The following GPD2 variants were observed in gnomAD, a reference collection of about 807,000 sequenced individuals.
The protein encoded by GPD2 is glycerol-3-phosphate dehydrogenase 2.
GPD2 carries 54 observed loss-of-function variants against 82.4 expected under a neutral mutation model. The ratio of observed to expected loss-of-function variants is 0.66; its 90% CI spans 0.53 to 0.82. GPD2 has a LOEUF of 0.82. GPD2 is among the 40% of genes least tolerant of loss of function. The pLI, the probability that GPD2 is intolerant of heterozygous loss-of-function variation, is 0.00. For missense variants in GPD2, 748 were observed against 896.2 expected (o/e 0.83, Z 2.11); for synonymous variants, 288 against 306.1 (o/e 0.94, Z 0.62).
At chr2:156,552,385 G>C (rs185752968) in intron 8 of GPD2, among the ~76,000 whole-genome samples, 1 of 152,136 alleles carries the variant, frequency 6.6e-6, no homozygotes, top group Non-Finnish European at 1.5e-5. Context: ...TATGTTTCTC[G>C]TATATAGAGA....
At chr2:156,530,230 GCT>G (rs1457467719) in intron 6 of GPD2, among the ~76,000 whole-genome samples, 109 of 108,318 alleles carry the variant, frequency 1.0e-3, no homozygotes, top group African/African-American at 3.6e-3. Flanking sequence ...TCATGATTTG[GCT>G]CTCTGTTTGT....
chr2:156,459,547 G>T (rs2105172010), intron 1 of GPD2, among the ~76,000 whole-genome samples: 1 of 151,880 alleles, frequency 6.6e-6, no homozygotes. Context: ...AATTAGCTGG[G>T]CATGGTGGCG....
At chr2:156,546,621 C>T (rs1202196067) in intron 6 of GPD2, among the ~76,000 whole-genome samples, 1 of 151,984 alleles carries the variant, frequency 6.6e-6, no homozygotes, top group African/African-American at 2.4e-5. Flanking sequence ...GCCCAGGGCT[C>T]GGGGATACCA....
intron 1 of GPD2, among the ~76,000 whole-genome samples, chr2:156,451,002 T>C (rs1218778129): frequency 4.4e-5 from 6 of 136,794 alleles, no homozygotes; most frequent in African/African-American, 1.6e-4. Flanking sequence ...ATCAACAGGA[T>C]CCCAAGGCAG....
chr2:156,530,619 T>C (rs1206601035), intron 6 of GPD2, among the ~76,000 whole-genome samples: 1 of 151,904 alleles, frequency 6.6e-6, no homozygotes, highest in Non-Finnish European at 1.5e-5. Flanking sequence ...ATACCTAATT[T>C]ATTGAGAGTT....
intron 1 of GPD2, among the ~76,000 whole-genome samples, chr2:156,447,491 T>C (rs1682409953): frequency 6.6e-6 from 1 of 152,018 alleles, no homozygotes; most frequent in African/African-American, 2.4e-5. Context: ...CAGGCCATCA[T>C]ACCTGATTGA....
chr2:156,404,686 C>CAAAAAAA, the GPD2 span, among the ~76,000 whole-genome samples: 71 of 64,370 alleles, frequency 1.1e-3, no homozygotes, highest in Middle Eastern at 0.011. Flanking sequence ...TTAAAAATAC[C>CAAAAAAA]AAAAAAAAAA....
chr2:156,452,336 G>C (rs1211977386), intron 1 of GPD2, among the ~76,000 whole-genome samples: 1 of 152,246 alleles, frequency 6.6e-6, no homozygotes, highest in Non-Finnish European at 1.5e-5. Context: ...CGGATCACTC[G>C]CGGTTAGGAG....
chr2:156,465,340 C>T (rs1462114416), intron 1 of GPD2, among the ~76,000 whole-genome samples: 3 of 127,766 alleles, frequency 2.3e-5, no homozygotes, highest in Admixed American at 8.8e-5. Context: ...TTTTTCTTTT[C>T]TTTTCTTTCT....
chr2:156,437,013 G>T (rs910298866), intron 1 of GPD2, among the ~76,000 whole-genome samples: 10 of 152,194 alleles, frequency 6.6e-5, no homozygotes, highest in Non-Finnish European at 1.3e-4. Context: ...GAGTGCTTTG[G>T]CAGGAAGGTG....
intron 3 of GPD2, among the ~76,000 whole-genome samples, chr2:156,505,198 G>A (rs1684740887): frequency 6.6e-6 from 1 of 152,114 alleles, no homozygotes. Context: ...AGACAAAGCT[G>A]TAAAGAGCTG....
intron 12 of GPD2, 103 bp downstream of exon 12, chr2:156,570,321 A>G: frequency 9.9e-7 from 1 of 1,011,450 alleles, no homozygotes. Flanking sequence ...TTTAATGCAC[A>G]TATGTCAGCT....
At chr2:156,505,575 AT>A (rs1684757819) in intron 3 of GPD2, among the ~76,000 whole-genome samples, 1 of 152,190 alleles carries the variant, frequency 6.6e-6, no homozygotes, top group African/African-American at 2.4e-5. Flanking sequence ...TCTTGAACTA[AT>A]TTAGTGAATT....
chr2:156,445,109 C>A (rs1411610285), intron 1 of GPD2, among the ~76,000 whole-genome samples: 1 of 152,148 alleles, frequency 6.6e-6, no homozygotes, highest in Non-Finnish European at 1.5e-5. Context: ...TGGTCTTTTT[C>A]TTATTAATAA....
intron 9 of GPD2, among the ~76,000 whole-genome samples, chr2:156,568,442 A>G (rs2105361879): frequency 6.6e-6 from 1 of 152,230 alleles, no homozygotes; most frequent in East Asian, 1.9e-4. Flanking sequence ...TGTATTCTAG[A>G]AGGAAATTTA....
the GPD2 span, among the ~76,000 whole-genome samples, chr2:156,422,761 A>C: frequency 3.9e-5 from 6 of 152,104 alleles, no homozygotes; most frequent in South Asian, 1.2e-3. Context: ...ACAAAAAAAA[A>C]CTATGCAGGC....
At chr2:156,429,284 T>C in the GPD2 span, among the ~76,000 whole-genome samples, 3 of 152,338 alleles carry the variant, frequency 2.0e-5, no homozygotes, top group East Asian at 5.8e-4. Flanking sequence ...AGCTTTACTC[T>C]GAAAAGCTGA....
At chr2:156,406,246 T>A in the GPD2 span, among the ~76,000 whole-genome samples, 1 of 152,156 alleles carries the variant, frequency 6.6e-6, no homozygotes, top group South Asian at 2.1e-4. Flanking sequence ...AGGATTAAAA[T>A]CAAGGCATGG....
intron 1 of GPD2, among the ~76,000 whole-genome samples, chr2:156,437,699 A>AT: frequency 6.6e-6 from 1 of 152,234 alleles, no homozygotes; most frequent in Non-Finnish European, 1.5e-5. Flanking sequence ...CTCATAGCTT[A>AT]TAGAGTCACT....
Sources: gnomAD v4.1 joint callset for allele counts (sites outside exome capture counted in the v4.1 genomes callset) on GRCh38, gnomAD v4.1.1 for gene constraint, MANE v1.5 for transcripts, NCBI Gene and HGNC (gene_info 2026-07-23, HGNC 2026-07-21) for gene names.